The following DAB1 variants were observed in gnomAD, a reference collection of about 807,000 sequenced individuals.
DAB1 encodes disabled homolog 1.
Under a neutral mutation model 64.6 loss-of-function variants are expected in DAB1, and 15 were observed. The observed-to-expected ratio is 0.23, with a 90% CI of 0.16 to 0.36. DAB1 has a LOEUF of 0.36. Ranked by LOEUF, DAB1 falls within the 10% of genes least tolerant of loss-of-function variation. DAB1 has a pLI of 1.00. For synonymous variants in DAB1, 235 were observed against 251.9 expected, an observed-to-expected ratio of 0.93 and a Z score of 0.64; for missense variants, 596 against 706.7, an observed-to-expected ratio of 0.84 and a Z score of 1.78.
intron 7 of DAB1, among the ~76,000 whole-genome samples, chr1:57,584,200 C>T (rs1645350664): frequency 6.6e-6 from 1 of 152,178 alleles, no homozygotes; most frequent in Non-Finnish European, 1.5e-5. Flanking sequence ...CATTCTGTAC[C>T]TCACTTACGA....
At chr1:57,335,438 G>T (rs1677004952) in intron 1 of DAB1, among the ~76,000 whole-genome samples, 2 of 152,242 alleles carry the variant, frequency 1.3e-5, no homozygotes, top group African/African-American at 2.4e-5. Flanking sequence ...GGATTAAATT[G>T]CATTTCAAGA....
chr1:57,461,943 C>CA (rs1686796308), intron 7 of DAB1, among the ~76,000 whole-genome samples: 1 of 100,342 alleles, frequency 1.0e-5, no homozygotes, highest in Non-Finnish European at 2.0e-5. Flanking sequence ...AAGATATACT[C>CA]TTTTTTTTTT....
At chr1:57,753,299 C>G (rs746838779) in intron 6 of DAB1, among the ~76,000 whole-genome samples, 7 of 152,206 alleles carry the variant, frequency 4.6e-5, no homozygotes, top group Non-Finnish European at 8.8e-5. Context: ...GTACCTGCTA[C>G]CCTCGACTTC....
chr1:58,284,488 T>C (rs1415856813), intron 4 of DAB1, among the ~76,000 whole-genome samples: 2 of 152,244 alleles, frequency 1.3e-5, no homozygotes, highest in African/African-American at 4.8e-5. Flanking sequence ...AGAAGAGAGC[T>C]GGTATTAAGC....
At chr1:57,847,685 A>G (rs1482467110) in intron 1 of DAB1, among the ~76,000 whole-genome samples, 1 of 152,204 alleles carries the variant, frequency 6.6e-6, no homozygotes, top group Non-Finnish European at 1.5e-5. Context: ...GATAGAAACA[A>G]TAAGAAATGA....
intron 7 of DAB1, among the ~76,000 whole-genome samples, chr1:57,571,066 AT>A (rs1334755890): frequency 6.6e-6 from 1 of 152,228 alleles, no homozygotes; most frequent in East Asian, 1.9e-4. Flanking sequence ...ATCCTGAAAC[AT>A]TGCTGAATTC....
intron 4 of DAB1, among the ~76,000 whole-genome samples, chr1:57,075,986 A>C (rs2100609985): frequency 6.6e-6 from 1 of 152,320 alleles, no homozygotes; most frequent in South Asian, 2.1e-4. Context: ...ATCTGAGATC[A>C]GGGAGGGTCA....
intron 7 of DAB1, among the ~76,000 whole-genome samples, chr1:57,585,012 A>ATC (rs527691041): frequency 6.2e-4 from 95 of 152,328 alleles, no homozygotes; most frequent in African/African-American, 2.3e-3. Context: ...AACACTTGGG[A>ATC]GGCCAAGGTG....
At chr1:57,029,868 G>C (rs926592012) in intron 9 of DAB1, among the ~76,000 whole-genome samples, 2 of 152,226 alleles carry the variant, frequency 1.3e-5, no homozygotes, top group Non-Finnish European at 2.9e-5. Flanking sequence ...AGGCAGAAGG[G>C]ACTTGTCTTG....
intron 1 of DAB1, among the ~76,000 whole-genome samples, chr1:57,339,535 C>T (rs1308646952): frequency 6.6e-6 from 1 of 152,194 alleles, no homozygotes; most frequent in Non-Finnish European, 1.5e-5. Flanking sequence ...CACTAAATTG[C>T]TATTTCTAAG....
intron 2 of DAB1, among the ~76,000 whole-genome samples, chr1:58,515,495 C>G (rs900823340): frequency 6.6e-6 from 1 of 152,058 alleles, no homozygotes; most frequent in African/African-American, 2.4e-5. Context: ...GACTCAACAG[C>G]TGAAATCATA....
At chr1:58,392,681 C>G (rs1272254630) in intron 3 of DAB1, among the ~76,000 whole-genome samples, 3 of 152,222 alleles carry the variant, frequency 2.0e-5, no homozygotes, top group African/African-American at 7.2e-5. Flanking sequence ...GTGGGGGAAA[C>G]ATGAGCTATA....
chr1:58,494,181 T>C (rs965164933), intron 3 of DAB1, among the ~76,000 whole-genome samples: 9 of 152,334 alleles, frequency 5.9e-5, no homozygotes, highest in African/African-American at 1.9e-4. Context: ...GATTCCCTCT[T>C]TAATAAATGG....
intron 5 of DAB1, chr1:58,074,513 AATATATATACATATATATATAT>A (rs1406372909): frequency 1.7e-5 from 2 of 116,232 alleles, no homozygotes; most frequent in Non-Finnish European, 3.7e-5. Flanking sequence ...GGAAGATTCT[AATATATATACATATATATATAT>A]ATATATATAC....
At chr1:57,073,681 C>T (rs924820576) in intron 4 of DAB1, among the ~76,000 whole-genome samples, 2 of 152,074 alleles carry the variant, frequency 1.3e-5, no homozygotes, top group African/African-American at 4.8e-5. Context: ...TCAAGTTTAA[C>T]CCTCTAGTAA....
intron 11 of DAB1, among the ~76,000 whole-genome samples, chr1:57,020,718 T>C (rs1163014380): frequency 6.6e-6 from 1 of 152,264 alleles, no homozygotes; most frequent in Non-Finnish European, 1.5e-5. Flanking sequence ...CCAGCATTTT[T>C]CAGTGTGTAG....
At chr1:58,201,425 G>A (rs1657990578) in intron 4 of DAB1, among the ~76,000 whole-genome samples, 1 of 152,144 alleles carries the variant, frequency 6.6e-6, no homozygotes, top group African/African-American at 2.4e-5. Flanking sequence ...CTGCTTTGCT[G>A]AATACCAAAG....
intron 1 of DAB1, among the ~76,000 whole-genome samples, chr1:57,322,810 G>A (rs147847677): frequency 1.0e-3 from 158 of 152,254 alleles, no homozygotes; most frequent in Non-Finnish European, 1.8e-3. Context: ...CCTGGAGGGG[G>A]CTCACCACTG....
chr1:57,368,196 C>T (rs12566690), intron 1 of DAB1, among the ~76,000 whole-genome samples: 32,724 of 152,152 alleles, frequency 0.22, 4,459 homozygotes, highest in Non-Finnish European at 0.31. Flanking sequence ...AGAGGGAAGC[C>T]GAAATGGGGC....
Sources: allele counts gnomAD v4.1 joint callset (sites outside exome capture counted in the v4.1 genomes callset), GRCh38; gene constraint gnomAD v4.1.1; transcripts MANE v1.5; gene names NCBI Gene and HGNC (gene_info 2026-07-23, HGNC 2026-07-21).